Variants in CAMK2G observed in about 807,000 individuals in gnomAD.
The protein encoded by CAMK2G is calcium/calmodulin dependent protein kinase II gamma.
CAMK2G carries 23 observed loss-of-function variants against 88.7 expected under a neutral mutation model. That is an observed-to-expected ratio of 0.26 (90% CI 0.19 to 0.37). The LOEUF is 0.37. CAMK2G is among the 10% of genes least tolerant of loss of function. The probability of loss-of-function intolerance (pLI) is 1.00; values close to 1 mark genes in which losing one functional copy is unlikely to be tolerated. For synonymous variants in CAMK2G, 263 were observed against 294.8 expected (o/e 0.89, Z 1.11); for missense variants, 476 against 780.8 (o/e 0.61, Z 4.65).
At chr10:73,865,373 C>T (rs939339868) in intron 2 of CAMK2G, among the ~76,000 whole-genome samples, 5 of 152,188 alleles carry the variant, frequency 3.3e-5, no homozygotes, top group African/African-American at 7.2e-5. Context: ...TCCTCGCAGC[C>T]GTGGCACCCT....
At chr10:73,832,620 A>T (rs971682475) in intron 14 of CAMK2G, among the ~76,000 whole-genome samples, 2 of 152,056 alleles carry the variant, frequency 1.3e-5, no homozygotes, top group African/African-American at 4.8e-5. Context: ...GTACTCCTTT[A>T]TATACCACTT....
intron 1 of CAMK2G, chr10:73,873,305 C>A (rs2095907738): frequency 4.5e-6 from 6 of 1,331,674 alleles, no homozygotes; most frequent in Non-Finnish European, 5.9e-6. Flanking sequence ...GCGCTCCCAC[C>A]CCCTCATCCA....
intron 2 of CAMK2G, among the ~76,000 whole-genome samples, chr10:73,868,844 C>T (rs1221588785): frequency 6.6e-6 from 1 of 152,208 alleles, no homozygotes; most frequent in Non-Finnish European, 1.5e-5. Flanking sequence ...CCATTTCAGT[C>T]CCCAGGGCCA....
At chr10:73,819,737 G>A (rs1565173478) in intron 18 of CAMK2G, 92 bp from the exon 19 acceptor site, 16 of 777,102 alleles carry the variant, frequency 2.1e-5, no homozygotes, top group South Asian at 5.2e-5. Context: ...GACAGGCCCC[G>A]AGCCCATGGC....
chr10:73,823,903 A>C lies in CAMK2G; in HGVS notation c.1200+137T>G, dbSNP rs2090022498. On this transcript the variant is annotated intron_variant, in intron 17 of 22. Transcript: ENST00000423381. ...TAATGCCCTTCCTCAGCATGGAGCA[A>C]CTGTGGGCACAGGCTACCTTCAGCT... 9.2e-6 allele frequency: 7 copies of C among 758,002 alleles called. No individual in the cohort carries two copies. The South Asian group carries it at 9.8e-5, about 11-fold the overall frequency. 47.0% of individuals were successfully genotyped at this position (758,002 alleles called of 1,614,324 possible).
chr10:73,873,258 C>A, intron 1 of CAMK2G, 175 bp from the exon 2 acceptor site: 1 of 1,114,340 alleles, frequency 9.0e-7, no homozygotes, highest in South Asian at 1.5e-5. Context: ...AAGGACGCGG[C>A]CACCGCAGGA....
At chr10:73,859,275 G>A (rs1184480826) in intron 3 of CAMK2G, among the ~76,000 whole-genome samples, 1 of 152,234 alleles carries the variant, frequency 6.6e-6, no homozygotes, top group African/African-American at 2.4e-5. Flanking sequence ...CCAGCGGGCT[G>A]CAGGGGCAGC....
chr10:73,843,952 C>A (rs914938664), intron 10 of CAMK2G, among the ~76,000 whole-genome samples: 1 of 152,170 alleles, frequency 6.6e-6, no homozygotes, highest in African/African-American at 2.4e-5. Flanking sequence ...CCGGGATGGA[C>A]CCCCTGCCCT....
In CAMK2G at chr10:73,848,617, A is replaced by C; in HGVS notation, c.518-8T>G. The C allele has an allele frequency of 6.3e-7, 1 of 1,580,754 alleles. No homozygotes were observed. Among genetic ancestry groups the C allele is most frequent in the Non-Finnish European group, 8.7e-7 (1 of 1,152,850 alleles). ...CTGGGGTGCCAGCAAAACCTGTAGC[A>C]AAAGAGAGGGCAGAGGCATACTGAA... On this transcript the variant is annotated splice_polypyrimidine_tract_variant and splice_region_variant and intron_variant, in intron 7 of 22. Transcript: ENST00000423381. This position sits in a 1 kb window ranked among gnomAD's most constrained non-coding sequence, Gnocchi z 4.5.
In CAMK2G at chr10:73,873,077, A is replaced by C; in HGVS notation, c.72T>G (p.Ala24=). The part of the protein sequence containing the change: ...YQLFEELGKG[A]FSVVRRCVKK... ...TCACACACCTGCGGACCACAGAGAAAGCACCCCTGGAGGGAGAAGGGGAAA... is the reference window on the plus strand; with the variant it reads ...TCACACACCTGCGGACCACAGAGAACGCACCCCTGGAGGGAGAAGGGGAAA... Residue 24 remains alanine (A), a synonymous_variant, in exon 2 of 23, where the codon GCT becomes GCG. Transcript: ENST00000423381. The C allele has an allele frequency of 6.2e-7, 1 of 1,610,024 alleles. No individual in the cohort carries two copies. Among genetic ancestry groups the C allele is most frequent in the Admixed American group, 1.7e-5 (1 of 60,000 alleles).
chr10:73,848,975 GC>G lies in CAMK2G; in HGVS notation c.517+37del, dbSNP rs766015007. On this transcript the variant is annotated intron_variant, in intron 7 of 22. Transcript: ENST00000423381. The surrounding 1 kb of genome is among the most constrained non-coding windows in gnomAD (Gnocchi z 4.5). Reference sequence around the variant, plus strand: ...AGGCAGATCAGGAAGAGGAGGAAGGGCGGGGGCTGCATTCCGGGAAGACAGG... The same window carrying G: ...AGGCAGATCAGGAAGAGGAGGAAGGGGGGGGCTGCATTCCGGGAAGACAGG... 9 of 1,261,776 alleles carry G rather than the reference GC, an allele frequency of 7.1e-6. No individual in the cohort carries two copies. In the Admixed American group the frequency reaches 1.5e-4, roughly 21 times the overall value. The allele number at this position is 1,261,776 out of a possible 1,614,324, so 78.2% of individuals were successfully genotyped here. A position where few individuals can be genotyped will look rare whatever the true frequency, so the allele number is the denominator to read the frequency against.
chr10:73,848,417 A>G lies in CAMK2G; in HGVS notation c.601+109T>C, dbSNP rs1012597025. The G allele has an allele frequency of 1.6e-5, 12 of 761,340 alleles. No homozygotes were observed. Among genetic ancestry groups the G allele is most frequent in the Non-Finnish European group, 2.6e-5 (11 of 428,552 alleles). The allele number at this position is 761,340 out of a possible 1,614,324, so 47.2% of individuals were successfully genotyped here. ...AGGGGCAAACACCATAATTTCACAT[A>G]CACCAGGCACGTGTGTGACCTGCAA... On this transcript the variant is annotated intron_variant, in intron 8 of 22. Transcript: ENST00000423381. The surrounding 1 kb of genome is among the most constrained non-coding windows in gnomAD (Gnocchi z 4.5).
At chr10:73,821,422 A>G (rs1039073390) in intron 18 of CAMK2G, among the ~76,000 whole-genome samples, 1 of 152,112 alleles carries the variant, frequency 6.6e-6, no homozygotes, top group African/African-American at 2.4e-5. Flanking sequence ...CAGTTCTCTG[A>G]GCCCTGGCCC....
chr10:73,820,472 ATATATATATATATATATATATTTT>A (rs2087686140), intron 18 of CAMK2G, among the ~76,000 whole-genome samples: 2 of 33,818 alleles, frequency 5.9e-5, no homozygotes, highest in African/African-American at 3.8e-4. Flanking sequence ...ATTTATATAT[ATATATATATATATATATATATTTT>A]TTTTTTTTTT....
intron 10 of CAMK2G, among the ~76,000 whole-genome samples, chr10:73,844,332 C>G (rs1438927681): frequency 5.3e-5 from 8 of 151,906 alleles, no homozygotes; most frequent in Non-Finnish European, 1.5e-5. Context: ...CTCAAGTGAT[C>G]TACCTACCCT....
intron 10 of CAMK2G, among the ~76,000 whole-genome samples, chr10:73,845,514 A>G (rs148332474): frequency 0.018 from 2,791 of 151,544 alleles, 81 homozygotes; most frequent in African/African-American, 0.063. Context: ...CCCGGGAGGC[A>G]GAGCTTGCAG....
chr10:73,867,097 T>C (rs979890050), intron 2 of CAMK2G, among the ~76,000 whole-genome samples: 3 of 152,146 alleles, frequency 2.0e-5, no homozygotes, highest in South Asian at 2.1e-4. Flanking sequence ...GGGCCTGAAA[T>C]GGTCCCATGT....
intron 19 of CAMK2G, 40 bp downstream of exon 19, chr10:73,819,492 C>T (rs779343426): frequency 8.5e-6 from 12 of 1,417,308 alleles, no homozygotes; most frequent in African/African-American, 1.4e-5. Context: ...CAGGACGAGC[C>T]AGGGAGACGG....
At chr10:73,852,383 A>G in intron 4 of CAMK2G, 64 bp from the exon 5 acceptor site, 1 of 1,322,578 alleles carries the variant, frequency 7.6e-7, no homozygotes, top group South Asian at 1.2e-5. Context: ...CCCAATGTCC[A>G]AGAAGAAACA....
Sources: allele counts gnomAD v4.1 joint callset (sites outside exome capture counted in the v4.1 genomes callset), GRCh38; gene constraint gnomAD v4.1.1; non-coding constraint Gnocchi (gnomAD v3.1); transcripts MANE v1.5; gene names NCBI Gene and HGNC (gene_info 2026-07-23, HGNC 2026-07-21).